OXSR1: variants seen among roughly 807,000 people sequenced by gnomAD.
The protein encoded by OXSR1 is serine/threonine-protein kinase OSR1.
Under a neutral mutation model 79.8 loss-of-function variants are expected in OXSR1, and 24 were observed. That is an observed-to-expected ratio of 0.30 (90% CI 0.22 to 0.42). The LOEUF (loss-of-function observed/expected upper bound fraction) is 0.42. OXSR1 is among the 10% of genes least tolerant of loss of function. The pLI, the probability that OXSR1 is intolerant of heterozygous loss-of-function variation, is 1.00. For synonymous variants in OXSR1, 226 were observed against 209.2 expected (o/e 1.08, Z -0.69); for missense variants, 430 against 618.4 (o/e 0.70, Z 3.23).
intron 11 of OXSR1, among the ~76,000 whole-genome samples, chr3:38,241,472 GTTAAAT>G (rs1036243415): frequency 1.3e-5 from 2 of 152,122 alleles, no homozygotes; most frequent in African/African-American, 2.4e-5. Context: ...ATTATATCAT[GTTAAAT>G]TTAATGAGAA....
chr3:38,194,009 C>G (rs1702030374), intron 3 of OXSR1, among the ~76,000 whole-genome samples: 1 of 152,072 alleles, frequency 6.6e-6, no homozygotes, highest in Non-Finnish European at 1.5e-5. Context: ...AAAGTTAGAA[C>G]TAAGCACAGC....
intron 12 of OXSR1, among the ~76,000 whole-genome samples, chr3:38,243,287 C>G (rs1355171884): frequency 6.6e-6 from 1 of 152,120 alleles, no homozygotes; most frequent in Admixed American, 6.6e-5. Context: ...GCCTTGGCCT[C>G]CCAAAGTGCT....
chr3:38,181,377 ACAGAGTCTCACTCTGTC>A (rs1701783046), intron 1 of OXSR1, among the ~76,000 whole-genome samples: 1 of 130,232 alleles, frequency 7.7e-6, no homozygotes, highest in Non-Finnish European at 1.6e-5. Flanking sequence ...TTTTTTTGAG[ACAGAGTCTCACTCTGTC>A]ACCCAGGCTG....
chr3:38,245,464 T>C (rs1244773239), intron 12 of OXSR1, among the ~76,000 whole-genome samples: 1 of 152,204 alleles, frequency 6.6e-6, no homozygotes, highest in African/African-American at 2.4e-5. Flanking sequence ...TGGTTGATTG[T>C]CTTTGTAAGA....
rs376951868 is a variant in OXSR1 at position 38,224,724 on chromosome 3, C to G, written c.836+20C>G. 7 of 1,476,664 alleles carry G rather than the reference C, an allele frequency of 4.7e-6. No individual in the cohort carries two copies. Among genetic ancestry groups the G allele is most frequent in the Non-Finnish European group, 6.5e-6 (7 of 1,085,096 alleles). The allele number at this position is 1,476,664 out of a possible 1,614,324, so 91.5% of individuals were successfully genotyped here. A position where few individuals can be genotyped will look rare whatever the true frequency, so the allele number is the denominator to read the frequency against. On this transcript the variant is annotated intron_variant, in intron 8 of 17. Transcript: ENST00000311806. ...AAAAAGGTAAAATATGAGAAAAAGT[C>G]TACTTTTCTCTCTAATAAAACATTG...
Position 38,170,084 on chromosome 3 carries a change from G to A in OXSR1, c.70+4138G>A, listed in dbSNP as rs942248564. Among the ~76,000 whole-genome samples the A allele has an allele frequency of 6.6e-5, 10 of 151,316 alleles. No homozygotes were observed. The East Asian group carries it at 1.6e-3, about 24-fold the overall frequency. On this transcript the variant is annotated intron_variant, in intron 1 of 17. Coordinates refer to ENST00000311806, the MANE Select transcript of OXSR1 (RefSeq NM_005109.3). ...TTTTGAGTTGGAGTCTTACTCTGTC[G>A]CCCAGGCTGGAGTGCAGTGGCATGA...
chr3:38,220,467 A>G (rs1702566728), intron 5 of OXSR1, among the ~76,000 whole-genome samples: 1 of 151,962 alleles, frequency 6.6e-6, no homozygotes, highest in African/African-American at 2.4e-5. Flanking sequence ...TGGACACAAA[A>G]CAAAAGGGGA....
chr3:38,253,290 G>C lies in OXSR1; in HGVS notation c.*399G>C, dbSNP rs1281765609. ...GTTCCCCCACACCTGCCAGGATATG[G>C]ACATCTTGGGATATCTCTTTACCAC... is the stretch of plus-strand genomic sequence containing the variant. On this transcript the variant is annotated 3_prime_UTR_variant, in exon 18 of 18. Transcript: ENST00000311806. 5.4e-6 allele frequency: 1 copy of C among 183,650 alleles called. No individual in the cohort carries two copies. Among genetic ancestry groups the C allele is most frequent in the African/African-American group, 2.4e-5 (1 of 42,462 alleles). The allele number at this position is 183,650 out of a possible 1,614,324, so 11.4% of individuals were successfully genotyped here.
chr3:38,252,941 T>C lies in OXSR1; in HGVS notation c.*50T>C. On this transcript the variant is annotated 3_prime_UTR_variant, in exon 18 of 18. Coordinates refer to ENST00000311806, the MANE Select transcript of OXSR1 (RefSeq NM_005109.3). The stretch of plus-strand genomic sequence containing the variant: ...TAAGGAGATTCCACACATGCGTATC[T>C]CTGTTGCTTCTATTGGCCTAAACCC... 6.9e-7 allele frequency: 1 copy of C among 1,454,782 alleles called. No individual in the cohort carries two copies. Among genetic ancestry groups the C allele is most frequent in the East Asian group, 2.3e-5 (1 of 44,062 alleles). 90.1% of individuals were successfully genotyped at this position (1,454,782 alleles called of 1,614,324 possible).
intron 4 of OXSR1, among the ~76,000 whole-genome samples, chr3:38,200,995 T>A (rs1169653455): frequency 6.6e-6 from 1 of 152,164 alleles, no homozygotes; most frequent in Non-Finnish European, 1.5e-5. Flanking sequence ...CATCTTGGAT[T>A]ATTAGTGAGG....
intron 12 of OXSR1, among the ~76,000 whole-genome samples, chr3:38,243,102 G>A (rs917607732): frequency 3.3e-5 from 5 of 151,390 alleles, no homozygotes; most frequent in African/African-American, 7.3e-5. Flanking sequence ...GTGTGATCAC[G>A]GCTCACTGCA....
intron 4 of OXSR1, among the ~76,000 whole-genome samples, chr3:38,212,106 T>C (rs1187975207): frequency 6.6e-6 from 1 of 152,182 alleles, no homozygotes; most frequent in Non-Finnish European, 1.5e-5. Context: ...GGCCTTGGCA[T>C]TGGGACTTTT....
At chr3:38,236,270 T>C (rs932559375) in intron 10 of OXSR1, among the ~76,000 whole-genome samples, 1 of 152,060 alleles carries the variant, frequency 6.6e-6, no homozygotes, top group South Asian at 2.1e-4. Context: ...TACAGATAAC[T>C]CCTAAAACCA....
At chr3:38,215,857 A>G (rs756741500) in intron 4 of OXSR1, among the ~76,000 whole-genome samples, 2 of 152,148 alleles carry the variant, frequency 1.3e-5, no homozygotes, top group Non-Finnish European at 2.9e-5. Flanking sequence ...CCGATCAAGA[A>G]TATTTGATCA....
At chr3:38,232,612 T>C (rs574492374) in intron 10 of OXSR1, among the ~76,000 whole-genome samples, 19 of 151,584 alleles carry the variant, frequency 1.3e-4, no homozygotes, top group African/African-American at 4.6e-4. Flanking sequence ...AAATTAAAAT[T>C]AGCCAGGCAT....
chr3:38,239,181 T>G (rs1437623690), intron 11 of OXSR1, among the ~76,000 whole-genome samples: 1 of 152,180 alleles, frequency 6.6e-6, no homozygotes, highest in African/African-American at 2.4e-5. Flanking sequence ...TGATAACTAT[T>G]TTAACATCCT....
In OXSR1 at chr3:38,165,585, C is replaced by T. The variant is rs557884617; in HGVS notation, c.-292C>T. 4.0e-5 allele frequency: 16 copies of T among 397,922 alleles called. No individual in the cohort carries two copies. In the South Asian group the frequency reaches 4.3e-4, roughly 11 times the overall value. The allele number at this position is 397,922 out of a possible 1,614,324, so 24.6% of individuals were successfully genotyped here. On this transcript the variant is annotated 5_prime_UTR_variant, in exon 1 of 18. Transcript: ENST00000311806. ...GAGGGCGGGACAGAGGGGCTGGGCC[C>T]AGGCAAAGCTTCTGTCGCTGCTGCT...
At chr3:38,202,740 A>C (rs1702186771) in intron 4 of OXSR1, among the ~76,000 whole-genome samples, 1 of 152,234 alleles carries the variant, frequency 6.6e-6, no homozygotes, top group Non-Finnish European at 1.5e-5. Context: ...TACTAATATA[A>C]CTTAGGAATA....
intron 4 of OXSR1, among the ~76,000 whole-genome samples, chr3:38,204,687 G>A (rs903574474): frequency 6.6e-6 from 1 of 151,586 alleles, no homozygotes; most frequent in African/African-American, 2.4e-5. Context: ...TGATATTCAA[G>A]TTGCAAAACA....
Sources: allele counts gnomAD v4.1 joint callset (sites outside exome capture counted in the v4.1 genomes callset), GRCh38; gene constraint gnomAD v4.1.1; transcripts MANE v1.5; gene names NCBI Gene and HGNC (gene_info 2026-07-23, HGNC 2026-07-21).